The following PSPC1 variants were observed in gnomAD, a reference collection of about 807,000 sequenced individuals.
PSPC1 encodes paraspeckle protein 1.
In PSPC1, 14 loss-of-function variants were observed where a neutral mutation model predicts 51.6. The observed-to-expected ratio is 0.27, with a 90% CI of 0.18 to 0.42. The LOEUF (loss-of-function observed/expected upper bound fraction) is 0.42. PSPC1 is among the 10% of genes least tolerant of loss of function. The pLI, the probability that PSPC1 is intolerant of heterozygous loss-of-function variation, is 1.00. For missense variants in PSPC1, 406 were observed against 701.1 expected, an observed-to-expected ratio of 0.58 and a Z score of 4.75; for synonymous variants, 193 against 231.9, an observed-to-expected ratio of 0.83 and a Z score of 1.53.
intron 1 of PSPC1, among the ~76,000 whole-genome samples, chr13:19,773,032 G>A (rs951330845): frequency 6.6e-6 from 1 of 151,680 alleles, no homozygotes; most frequent in Non-Finnish European, 1.5e-5. Flanking sequence ...CGTGGTGGCG[G>A]GTGCCTTAAT....
At chr13:19,690,276 G>A (rs1041387071) in intron 6 of PSPC1, among the ~76,000 whole-genome samples, 1 of 152,176 alleles carries the variant, frequency 6.6e-6, no homozygotes, top group African/African-American at 2.4e-5. Flanking sequence ...GACCATCAAT[G>A]TCTGAAGAAG....
At chr13:19,739,422 G>A (rs1051551105) in intron 5 of PSPC1, among the ~76,000 whole-genome samples, 2 of 152,124 alleles carry the variant, frequency 1.3e-5, no homozygotes, top group Non-Finnish European at 2.9e-5. Context: ...TTTATGTTAG[G>A]GGAGAGGAGG....
At position 19,721,815 on chromosome 13, in the gene PSPC1, C is replaced by CA. The variant is rs747791748; in HGVS notation, c.1158+8423dup. Among the ~76,000 whole-genome samples, 10 of 150,432 alleles carry CA rather than the reference C, an allele frequency of 6.6e-5. No homozygotes were observed. In the East Asian group the frequency reaches 1.2e-3, roughly 18 times the overall value. On this transcript the variant is annotated intron_variant, in intron 6 of 8. Transcript: ENST00000338910. ...AAAGTTAGGTGTGTTGAAAACCAAG[C>CA]AAAAAAAAATTGTTTCTTTGGCTGC...
At chr13:19,762,196 C>G (rs1468888267) in intron 2 of PSPC1, among the ~76,000 whole-genome samples, 2 of 152,190 alleles carry the variant, frequency 1.3e-5, no homozygotes, top group African/African-American at 4.8e-5. Context: ...TATAAAGTCT[C>G]CCTCTACCAC....
intron 1 of PSPC1, among the ~76,000 whole-genome samples, chr13:19,780,147 GC>G (rs1366827830): frequency 2.5e-4 from 9 of 35,510 alleles, no homozygotes; most frequent in African/African-American, 4.4e-4. Context: ...GGGGGGATCA[GC>G]CCCCCGCCCG....
chr13:19,724,225 G>T (rs1421563647), intron 6 of PSPC1, among the ~76,000 whole-genome samples: 1 of 152,150 alleles, frequency 6.6e-6, no homozygotes, highest in East Asian at 1.9e-4. Context: ...TTCTGCTCTG[G>T]AATCTTCACA....
intron 6 of PSPC1, among the ~76,000 whole-genome samples, chr13:19,727,686 T>C (rs1353357310): frequency 6.6e-6 from 1 of 152,224 alleles, no homozygotes; most frequent in Admixed American, 6.5e-5. Context: ...TTAAACTACT[T>C]AATCTACAGT....
intron 4 of PSPC1, among the ~76,000 whole-genome samples, chr13:19,749,211 A>G (rs1263161475): frequency 6.6e-6 from 1 of 152,096 alleles, no homozygotes; most frequent in Admixed American, 6.6e-5. Flanking sequence ...AGCCGAGTGT[A>G]GAGGCATACA....
chr13:19,767,434 C>G (rs1186844276), intron 2 of PSPC1, among the ~76,000 whole-genome samples: 1 of 152,046 alleles, frequency 6.6e-6, no homozygotes, highest in Non-Finnish European at 1.5e-5. Flanking sequence ...CCTAAATTCC[C>G]TAAACCCTAA....
In PSPC1 at chr13:19,736,021, C is replaced by T. The variant is rs146884504; in HGVS notation, c.1052+5544G>A. Among the ~76,000 whole-genome samples, 231 of 152,030 alleles carry T rather than the reference C, an allele frequency of 1.5e-3. 5 individuals are homozygous for T. In the East Asian group the frequency reaches 0.034, roughly 23 times the overall value. The stretch of plus-strand genomic sequence containing the variant: ...ATTTTTAGTAAAGACAGGGTTTCAC[C>T]GTGTTAGCTAGGATGGTCTCGATCT... On this transcript the variant is annotated intron_variant, in intron 5 of 8. Coordinates refer to ENST00000338910, the MANE Select transcript of PSPC1 (RefSeq NM_001354909.2).
intron 5 of PSPC1, among the ~76,000 whole-genome samples, chr13:19,732,993 C>G (rs1293787339): frequency 6.6e-6 from 1 of 151,208 alleles, no homozygotes; most frequent in African/African-American, 2.4e-5. Context: ...TTCCGAATTA[C>G]AAAGACAATA....
intron 4 of PSPC1, among the ~76,000 whole-genome samples, chr13:19,742,278 A>T (rs920764977): frequency 2.1e-5 from 3 of 145,874 alleles, no homozygotes; most frequent in Non-Finnish European, 3.0e-5. Flanking sequence ...AAAAAAAAAC[A>T]AACAAATAAA....
chr13:19,732,169 G>A (rs982075419), intron 5 of PSPC1, among the ~76,000 whole-genome samples: 2 of 152,090 alleles, frequency 1.3e-5, no homozygotes, highest in Non-Finnish European at 2.9e-5. Flanking sequence ...GGGATTTCAC[G>A]CAAAATCTGG....
At chr13:19,759,505 A>C in intron 2 of PSPC1, 87 bp from the exon 3 acceptor site, 1 of 890,812 alleles carries the variant, frequency 1.1e-6, no homozygotes, top group East Asian at 2.7e-5. Flanking sequence ...AATAATAAAG[A>C]TATATACTTA....
At chr13:19,689,293 C>G (rs181503530) in intron 6 of PSPC1, among the ~76,000 whole-genome samples, 1 of 152,028 alleles carries the variant, frequency 6.6e-6, no homozygotes, top group Non-Finnish European at 1.5e-5. Flanking sequence ...AGGATGATAA[C>G]GAGGATGCAA....
At chr13:19,694,690 T>G (rs1941768833) in intron 6 of PSPC1, among the ~76,000 whole-genome samples, 3 of 152,164 alleles carry the variant, frequency 2.0e-5, no homozygotes, top group African/African-American at 7.2e-5. Flanking sequence ...AATAAAAACT[T>G]TAGTTCCTCA....
downstream of PSPC1, among the ~76,000 whole-genome samples, chr13:19,671,568 G>A (rs186198985): frequency 2.5e-4 from 38 of 152,326 alleles, no homozygotes; most frequent in Admixed American, 2.1e-3. Context: ...GTTGCCAAAT[G>A]TATGTCTTTA....
intron 3 of PSPC1, among the ~76,000 whole-genome samples, chr13:19,757,193 G>A (rs1484374916): frequency 1.3e-5 from 2 of 151,510 alleles, no homozygotes; most frequent in Non-Finnish European, 2.9e-5. Flanking sequence ...AAAGCTTTGG[G>A]ACCTTGAACT....
intron 2 of PSPC1, among the ~76,000 whole-genome samples, chr13:19,764,370 TTTTAACCATACCAACTGGTATACA>T (rs1194360687): frequency 2.0e-5 from 3 of 152,204 alleles, no homozygotes; most frequent in Admixed American, 2.0e-4. Flanking sequence ...ACAATAATTT[TTTTAACCATACCAACTGGTATACA>T]TCTGGGGTTT....
Sources: gnomAD v4.1 joint callset for allele counts (sites outside exome capture counted in the v4.1 genomes callset) on GRCh38, gnomAD v4.1.1 for gene constraint, MANE v1.5 for transcripts, NCBI Gene and HGNC (gene_info 2026-07-23, HGNC 2026-07-21) for gene names.